Variants in SP6 observed in about 807,000 individuals in gnomAD.
SP6 encodes the protein transcription factor Sp6.
A neutral mutation model predicts 23.4 loss-of-function variants in SP6; 10 were observed. That is an observed-to-expected ratio of 0.43 (90% CI 0.26 to 0.72). SP6 has a LOEUF of 0.72. Ranked by LOEUF, SP6 falls within the 30% of genes least tolerant of loss-of-function variation. The probability of loss-of-function intolerance (pLI) is 0.23; values close to 1 mark genes in which losing one functional copy is unlikely to be tolerated. For synonymous variants in SP6, 238 were observed against 238.7 expected, an observed-to-expected ratio of 1.00 and a Z score of 0.03; for missense variants, 482 against 523.8, an observed-to-expected ratio of 0.92 and a Z score of 0.78.
At chr17:47,858,767 C>CTTT (rs36092685), upstream of SP6, among the ~76,000 whole-genome samples, 11,766 of 92,842 alleles carry the variant, frequency 0.13, 2,572 homozygotes, top group Middle Eastern at 0.18. Flanking sequence ...GATGAAGCAT[C>CTTT]TTTTTTTTTT....
intron 1 of SP6, among the ~76,000 whole-genome samples, chr17:47,849,568 G>T (rs1306732582): frequency 6.6e-6 from 1 of 152,178 alleles, no homozygotes; most frequent in African/African-American, 2.4e-5. Flanking sequence ...GAGAACCACT[G>T]CTCCAGGCCA....
chr17:47,848,103 C>G lies in SP6; in HGVS notation c.327G>C (p.Arg109Ser), dbSNP rs1481261569. The G allele has an allele frequency of 1.9e-6, 3 of 1,613,590 alleles. No individual in the cohort carries two copies. In the African/African-American group the frequency reaches 4.0e-5, roughly 22 times the overall value. The change falls in exon 2 of 2, where the codon AGG becomes AGC. Residue 109 changes from arginine (R) to serine (S), a missense_variant. Around this residue, in one of 3 missense-constraint regions of SP6, gnomAD observed 330 missense variants for 332.3 expected, o/e 0.99. Transcript: ENST00000536300. This position sits in a 1 kb window ranked among gnomAD's most constrained non-coding sequence, Gnocchi z 5.3. ...CATCCTCCGCGCCTGGGTGAGTCGG[C>G]CTGAACCACGATTCATAATGGTGTG... is the stretch of plus-strand genomic sequence containing the variant. ...DMSHHYESWF[R>S]PTHPGAEDGS...
Position 47,846,928 on chromosome 17 carries a change from C to A in SP6, c.*371G>T, listed in dbSNP as rs1013447677. The stretch of plus-strand genomic sequence containing the variant: ...GTCCAGACAGCCACCACCAGCGCCC[C>A]GGGCCGGCCCCACTTCTCTCTGCTC... On this transcript the variant is annotated 3_prime_UTR_variant, in exon 2 of 2. Transcript: ENST00000536300. 48 of 210,662 alleles carry A rather than the reference C, an allele frequency of 2.3e-4. No individual in the cohort carries two copies. The East Asian group carries it at 4.6e-3, about 20-fold the overall frequency. 13.0% of individuals were successfully genotyped at this position (210,662 alleles called of 1,614,324 possible). A position where few individuals can be genotyped will look rare whatever the true frequency, so the allele number is the denominator to read the frequency against.
upstream of SP6, among the ~76,000 whole-genome samples, chr17:47,853,871 T>A (rs947266298): frequency 1.3e-5 from 2 of 152,218 alleles, no homozygotes; most frequent in Non-Finnish European, 2.9e-5. Flanking sequence ...TGGCACTATC[T>A]TTCCTCCAGT....
Position 47,848,005 on chromosome 17 carries a change from G to C in SP6, c.425C>G (p.Pro142Arg). 6.2e-7 allele frequency: 1 copy of C among 1,605,272 alleles called. No homozygotes were observed. Among genetic ancestry groups the C allele is most frequent in the East Asian group, 2.2e-5 (1 of 44,478 alleles). The change falls in exon 2 of 2, where the codon CCT becomes CGT. Residue 142 changes from proline to arginine, a missense_variant. Around this residue, in one of 3 missense-constraint regions of SP6, gnomAD observed 330 missense variants for 332.3 expected, o/e 0.99. Coordinates refer to ENST00000536300, the MANE Select transcript of SP6 (RefSeq NM_001258248.2). The surrounding 1 kb of genome is among the most constrained non-coding windows in gnomAD (Gnocchi z 5.3). ...CGCCTGAAGCGCCCCCGGGTGGCCAGGTGAGGTCAGCGCGCCCTGAGTGTG... is the reference window on the plus strand; with the variant it reads ...CGCCTGAAGCGCCCCCGGGTGGCCACGTGAGGTCAGCGCGCCCTGAGTGTG... The part of the protein sequence containing the change: ...LPHTQGALTS[P>R]GHPGALQAGL...
the SP6 span, among the ~76,000 whole-genome samples, chr17:47,867,883 C>G: frequency 6.6e-6 from 1 of 152,172 alleles, no homozygotes; most frequent in Non-Finnish European, 1.5e-5. Flanking sequence ...AAGCCTTTGG[C>G]AGATCCTCAA....
upstream of SP6, among the ~76,000 whole-genome samples, chr17:47,859,998 C>T (rs545946176): frequency 6.6e-6 from 1 of 152,214 alleles, no homozygotes; most frequent in East Asian, 1.9e-4. Flanking sequence ...TGGAAAGATC[C>T]CAGTCATGTC....
chr17:47,867,202 G>A, the SP6 span, among the ~76,000 whole-genome samples: 2 of 152,196 alleles, frequency 1.3e-5, no homozygotes, highest in African/African-American at 4.8e-5. Context: ...CATGAGATAA[G>A]TCGGTTAGAT....
chr17:47,850,334 T>C (rs907127088), intron 1 of SP6, among the ~76,000 whole-genome samples: 1 of 151,996 alleles, frequency 6.6e-6, no homozygotes, highest in African/African-American at 2.4e-5. Context: ...GGTGGAAAAC[T>C]GCCCTGGAGC....
At chr17:47,863,026 C>A in the SP6 span, among the ~76,000 whole-genome samples, 1 of 152,260 alleles carries the variant, frequency 6.6e-6, no homozygotes, top group Non-Finnish European at 1.5e-5. Flanking sequence ...AGAGGGCGCC[C>A]AGCGCCAAGC....
chr17:47,848,190 G>A lies in SP6; in HGVS notation c.240C>T (p.Asp80=). The change falls in exon 2 of 2, where the codon GAC becomes GAT. Residue 80 remains aspartate, a synonymous_variant. Transcript: ENST00000536300. This position sits in a 1 kb window ranked among gnomAD's most constrained non-coding sequence, Gnocchi z 5.3. The stretch of plus-strand genomic sequence containing the variant: ...GGGCCAAGGGACTGTCGCTTTCCAG[G>A]TCCTCGCAGGTTACCCGCGAGGAGG... ...PGASSRVTCE[D]LESDSPLAPG... The A allele has an allele frequency of 6.2e-7, 1 of 1,613,092 alleles. No homozygotes were observed.
Position 47,848,747 on chromosome 17 carries a change from T to A in SP6, c.-57-261A>T, listed in dbSNP as rs539006284. ...CAGCTCATCCCTAGAGTTGGGCCAC[T>A]CCCAGGATGGTAGGTCAGATACACC... On this transcript the variant is annotated intron_variant, in intron 1 of 1. Coordinates refer to ENST00000536300, the MANE Select transcript of SP6 (RefSeq NM_001258248.2). The surrounding 1 kb of genome is among the most constrained non-coding windows in gnomAD (Gnocchi z 5.3). 6.6e-6 allele frequency among the ~76,000 whole-genome samples: 1 copy of A among 152,100 alleles called. No individual in the cohort carries two copies. Among genetic ancestry groups the A allele is most frequent in the South Asian group, 2.1e-4 (1 of 4,814 alleles).
At chr17:47,875,396 C>A in the SP6 span, among the ~76,000 whole-genome samples, 1 of 152,192 alleles carries the variant, frequency 6.6e-6, no homozygotes, top group Middle Eastern at 3.2e-3. Context: ...TGCCCTCACC[C>A]CTCTGAGCCA....
At chr17:47,867,397 A>T in the SP6 span, among the ~76,000 whole-genome samples, 1 of 152,234 alleles carries the variant, frequency 6.6e-6, no homozygotes, top group Non-Finnish European at 1.5e-5. Context: ...CTTCGTGTCT[A>T]TCTAAGAATT....
chr17:47,863,564 CTTCTTTTTTTTT>C, the SP6 span: 1 of 80,108 alleles, frequency 1.2e-5, no homozygotes, highest in Admixed American at 1.5e-4. Flanking sequence ...TGGACTTCTT[CTTCTTTTTTTTT>C]TTTTTTTTTG....
intron 1 of SP6, among the ~76,000 whole-genome samples, chr17:47,849,354 A>C (rs559009914): frequency 6.6e-6 from 1 of 152,352 alleles, no homozygotes; most frequent in South Asian, 2.1e-4. Context: ...GCTTGACAGC[A>C]AGCTCTGGAA....
the SP6 span, among the ~76,000 whole-genome samples, chr17:47,862,507 C>CAAAAAAAAAA: frequency 2.3e-5 from 2 of 86,050 alleles, no homozygotes. Context: ...GACTTTGTCT[C>CAAAAAAAAAA]AAAAAAAAAA....
chr17:47,848,137 G>A lies in SP6; in HGVS notation c.293C>T (p.Pro98Leu), dbSNP rs565182420. ...CGATTCATAATGGTGTGACATGTCCGGCTGCAGGAGCTTGGAAAAGGGGCC... is the reference window on the plus strand; with the variant it reads ...CGATTCATAATGGTGTGACATGTCCAGCTGCAGGAGCTTGGAAAAGGGGCC... ...APGPFSKLLQ[P>L]DMSHHYESWF... The change falls in exon 2 of 2, where the codon CCG (proline) becomes CTG (leucine). Residue 98 changes from proline (P) to leucine (L), a missense_variant. Physicochemically the swap from Pro to Leu is moderately conservative, Grantham distance 98. Transcript: ENST00000536300. The surrounding 1 kb of genome is among the most constrained non-coding windows in gnomAD (Gnocchi z 5.3). The A allele has an allele frequency of 1.2e-6, 2 of 1,613,518 alleles. No homozygotes were observed. The highest frequency in any genetic ancestry group is 2.2e-5 in the East Asian group (1 of 44,878).
the SP6 span, among the ~76,000 whole-genome samples, chr17:47,867,120 C>T: frequency 4.6e-5 from 7 of 151,604 alleles, no homozygotes; most frequent in Admixed American, 1.3e-4. Context: ...TCAGCCAGGC[C>T]GTCAGACCCC....
Sources: allele counts gnomAD v4.1 joint callset (sites outside exome capture counted in the v4.1 genomes callset), GRCh38; gene constraint gnomAD v4.1.1; regional missense constraint gnomAD v4.1.1; non-coding constraint Gnocchi (gnomAD v3.1); transcripts MANE v1.5; gene names NCBI Gene and HGNC (gene_info 2026-07-23, HGNC 2026-07-21).